Variants in COL5A1 observed in about 807,000 individuals in gnomAD.
COL5A1 encodes collagen type V alpha 1 chain, also known as collagen alpha-1(V) chain.
COL5A1 carries 16 observed loss-of-function variants against 263.7 expected under a neutral mutation model. That is an observed-to-expected ratio of 0.06 (90% confidence interval 0.04 to 0.09). The LOEUF (loss-of-function observed/expected upper bound fraction) is 0.09, where lower values mean the gene tolerates loss of function less well. Ranked by LOEUF, COL5A1 falls within the 10% of genes least tolerant of loss-of-function variation. The pLI, the probability that COL5A1 is intolerant of heterozygous loss-of-function variation, is 1.00. For synonymous variants in COL5A1, 1,012 were observed against 1,004.5 expected, an observed-to-expected ratio of 1.01 and a Z score of -0.14; for missense variants, 2,036 against 2,540.5, an observed-to-expected ratio of 0.80 and a Z score of 4.27.
chr9:134,736,897 C>G (rs1835120633), intron 9 of COL5A1, among the ~76,000 whole-genome samples: 4 of 152,220 alleles, frequency 2.6e-5, no homozygotes, highest in Admixed American at 2.6e-4. Context: ...CAGGACGAAC[C>G]TTTCTAGAAT....
At chr9:134,807,606 T>C (rs1448104804) in intron 42 of COL5A1, among the ~76,000 whole-genome samples, 1 of 152,226 alleles carries the variant, frequency 6.6e-6, no homozygotes, top group Non-Finnish European at 1.5e-5. Flanking sequence ...AACTGTGATT[T>C]TCTTGTACGT....
At chr9:134,790,321 C>CCCAT (rs1187124591) in intron 32 of COL5A1, among the ~76,000 whole-genome samples, 3 of 150,396 alleles carry the variant, frequency 2.0e-5, no homozygotes, top group African/African-American at 4.9e-5. Context: ...CATCCACCCA[C>CCCAT]CCATCCATCC....
At chr9:134,825,050 C>G (rs951603047) in intron 62 of COL5A1, among the ~76,000 whole-genome samples, 195 bp downstream of exon 62, 2 of 152,198 alleles carry the variant, frequency 1.3e-5, no homozygotes, top group South Asian at 2.1e-4. Context: ...AGGGTGAGGC[C>G]GGGTGCAGAG....
At chr9:134,750,252 G>C (rs977615233) in intron 11 of COL5A1, among the ~76,000 whole-genome samples, 1 of 152,178 alleles carries the variant, frequency 6.6e-6, no homozygotes, top group African/African-American at 2.4e-5. Context: ...TCTCTGCCTT[G>C]AGGCCCCAGA....
At chr9:134,683,096 G>A (rs1251209053) in intron 1 of COL5A1, among the ~76,000 whole-genome samples, 2 of 152,242 alleles carry the variant, frequency 1.3e-5, no homozygotes, top group Non-Finnish European at 2.9e-5. Context: ...CTCTGTGAGG[G>A]CCGCCATGAG....
At chr9:134,688,996 C>T (rs1197386988) in intron 1 of COL5A1, among the ~76,000 whole-genome samples, 1 of 152,158 alleles carries the variant, frequency 6.6e-6, no homozygotes, top group African/African-American at 2.4e-5. Flanking sequence ...GGGGGTGGCA[C>T]AGGTTCCTGT....
rs1303022399 is a variant in COL5A1, at chr9:134,642,092, C to T, written c.-96C>T. The T allele has an allele frequency of 2.8e-6, 3 of 1,074,362 alleles. No homozygotes were observed. Among genetic ancestry groups the T allele is most frequent in the South Asian group, 9.4e-5 (2 of 21,288 alleles). 66.6% of individuals were successfully genotyped at this position (1,074,362 alleles called of 1,614,324 possible). A position where few individuals can be genotyped will look rare whatever the true frequency, so the allele number is the denominator to read the frequency against. ...CATGACCTCCTAAAGTGGTGCGGTCCCTGCTGAGTGCGCTGCCCGGGCCGT... is the reference window on the plus strand; with the variant it reads ...CATGACCTCCTAAAGTGGTGCGGTCTCTGCTGAGTGCGCTGCCCGGGCCGT... On this transcript the variant is annotated 5_prime_UTR_variant, in exon 1 of 66. Coordinates refer to ENST00000371817, the MANE Select transcript of COL5A1 (RefSeq NM_000093.5). This position sits in a 1 kb window ranked among gnomAD's most constrained non-coding sequence, Gnocchi z 4.5.
At chr9:134,697,953 G>A (rs138199320) in intron 2 of COL5A1, among the ~76,000 whole-genome samples, 34 of 152,318 alleles carry the variant, frequency 2.2e-4, no homozygotes, top group African/African-American at 7.9e-4. Context: ...GCGTGGTGGT[G>A]TGGACCTGTA....
chr9:134,839,829 A>G (rs1473836197), intron 65 of COL5A1, among the ~76,000 whole-genome samples: 1 of 152,160 alleles, frequency 6.6e-6, no homozygotes. Flanking sequence ...CTGCCCACCT[A>G]TCCTTCCCAG....
rs1488102220 is a variant in COL5A1, at chr9:134,754,468, C to T, written c.1827+142C>T. The T allele has an allele frequency of 4.3e-6, 4 of 938,612 alleles. No homozygotes were observed. The African/African-American group carries it at 4.9e-5, about 11-fold the overall frequency. 58.1% of individuals were successfully genotyped at this position (938,612 alleles called of 1,614,324 possible). On this transcript the variant is annotated intron_variant, in intron 16 of 65. Coordinates refer to ENST00000371817, the MANE Select transcript of COL5A1 (RefSeq NM_000093.5). The surrounding 1 kb of genome is among the most constrained non-coding windows in gnomAD (Gnocchi z 4.3). Reference sequence around the variant, plus strand: ...CCTTCTTGTGATGGGTGCGTCCATCCCCAAGGCTGCCTCTGAGCCAGCTGC... The same window carrying T: ...CCTTCTTGTGATGGGTGCGTCCATCTCCAAGGCTGCCTCTGAGCCAGCTGC...
intron 1 of COL5A1, among the ~76,000 whole-genome samples, chr9:134,687,204 C>T (rs778206397): frequency 3.7e-4 from 56 of 152,242 alleles, no homozygotes; most frequent in Admixed American, 2.7e-3. Flanking sequence ...TGTGCCAGGG[C>T]GGAGGAGGCT....
intron 18 of COL5A1, among the ~76,000 whole-genome samples, chr9:134,761,423 A>G (rs558891599): frequency 6.6e-6 from 1 of 152,332 alleles, no homozygotes; most frequent in Non-Finnish European, 1.5e-5. Context: ...AAGCTGCTAC[A>G]TGTATGTTCT....
At chr9:134,790,497 C>G (rs1489634460) in intron 32 of COL5A1, among the ~76,000 whole-genome samples, 1 of 83,094 alleles carries the variant, frequency 1.2e-5, no homozygotes, top group African/African-American at 4.9e-5. Context: ...CATCCACCCA[C>G]CCACCCACCC....
Position 134,796,364 on chromosome 9 carries a change from C to T in COL5A1, c.2800-10C>T. Reference sequence around the variant, plus strand: ...TCATAAGCTTTTCCCCCCTCTCCTTCCCTCTCAAGGGCAACTCCGGAGGTG... The same window carrying T: ...TCATAAGCTTTTCCCCCCTCTCCTTTCCTCTCAAGGGCAACTCCGGAGGTG... On this transcript the variant is annotated splice_polypyrimidine_tract_variant and intron_variant, in intron 34 of 65. Coordinates refer to ENST00000371817, the MANE Select transcript of COL5A1 (RefSeq NM_000093.5). The T allele has an allele frequency of 3.1e-6, 5 of 1,614,004 alleles. No individual in the cohort carries two copies. The highest frequency in any genetic ancestry group is 4.2e-6 in the Non-Finnish European group (5 of 1,179,890).
At chr9:134,721,308 C>G (rs1834445734) in intron 4 of COL5A1, among the ~76,000 whole-genome samples, 1 of 150,776 alleles carries the variant, frequency 6.6e-6, no homozygotes, top group Non-Finnish European at 1.5e-5. Flanking sequence ...CCCCATAGTA[C>G]CCCATCTAGG....
Position 134,763,719 on chromosome 9 carries a change from G to C in COL5A1, c.2016G>C (p.Arg672Ser). 1.2e-6 allele frequency: 2 copies of C among 1,613,734 alleles called. No homozygotes were observed. The highest frequency in any genetic ancestry group is 1.7e-6 in the Non-Finnish European group (2 of 1,179,836). The change falls in exon 20 of 66, where the codon AGG (arginine) becomes AGC (serine). Residue 672 changes from arginine (R) to serine (S), a missense_variant. By Grantham distance (110) the Arg-to-Ser change is moderately radical. Coordinates refer to ENST00000371817, the MANE Select transcript of COL5A1 (RefSeq NM_000093.5). The stretch of plus-strand genomic sequence containing the variant: ...GTGACGACGGAGAAGTTGGGCCCAG[G>C]GGGCTGCCTGGGGAGCCCGTAAGTC... ...ERGDDGEVGP[R>S]GLPGEPGPRG...
chr9:134,750,475 T>C (rs1835736338), intron 11 of COL5A1, 67 bp from the exon 12 acceptor site: 5 of 1,465,520 alleles, frequency 3.4e-6, no homozygotes, highest in Middle Eastern at 1.7e-4. Flanking sequence ...GACGCCCTCA[T>C]TCTCGCTGCA....
chr9:134,832,629 G>GC (rs1839685600), intron 64 of COL5A1: 1 of 152,246 alleles, frequency 6.6e-6, no homozygotes, highest in Non-Finnish European at 1.5e-5. Context: ...GTCCGGTGCT[G>GC]CCCACCGCCG....
intron 64 of COL5A1, among the ~76,000 whole-genome samples, chr9:134,832,525 T>C (rs7864699): frequency 0.31 from 47,006 of 152,150 alleles, 13,580 homozygotes; most frequent in African/African-American, 0.76. Flanking sequence ...AGGGCCTCAC[T>C]GTGGGACCCT....
Sources: gnomAD v4.1 joint callset for allele counts (sites outside exome capture counted in the v4.1 genomes callset) on GRCh38, gnomAD v4.1.1 for gene constraint, Gnocchi (gnomAD v3.1) non-coding constraint, MANE v1.5 for transcripts, NCBI Gene and HGNC (gene_info 2026-07-23, HGNC 2026-07-21) for gene names.